Variants in EGFR observed in about 807,000 individuals in gnomAD.
EGFR encodes the protein epidermal growth factor receptor.
A neutral mutation model predicts 143.0 loss-of-function variants in EGFR; 58 were observed. The ratio of observed to expected loss-of-function variants is 0.41; its 90% CI spans 0.33 to 0.50. The LOEUF (loss-of-function observed/expected upper bound fraction) is 0.50. Among genes scored for constraint, EGFR ranks in the 20% least tolerant of loss-of-function variants. The pLI is 0.39. For synonymous variants in EGFR, 613 were observed against 594.4 expected, an observed-to-expected ratio of 1.03 and a Z score of -0.45; for missense variants, 1,307 against 1,579.0, an observed-to-expected ratio of 0.83 and a Z score of 2.92.
chr7:55,051,221 C>A (rs1788471045), intron 1 of EGFR, among the ~76,000 whole-genome samples: 1 of 152,100 alleles, frequency 6.6e-6, no homozygotes, highest in Non-Finnish European at 1.5e-5. Context: ...AGGCATGGCC[C>A]AGGGAGGCTT....
chr7:55,058,115 G>T (rs1479888592), intron 1 of EGFR, among the ~76,000 whole-genome samples: 1 of 152,188 alleles, frequency 6.6e-6, no homozygotes, highest in Non-Finnish European at 1.5e-5. Flanking sequence ...AAAACACATG[G>T]CTGGGCACAG....
At chr7:55,089,077 G>A (rs374174781) in intron 1 of EGFR, among the ~76,000 whole-genome samples, 3 of 151,426 alleles carry the variant, frequency 2.0e-5, no homozygotes, top group Admixed American at 6.6e-5. Context: ...TACAAATAAA[G>A]GTCGATCATT....
intron 1 of EGFR, among the ~76,000 whole-genome samples, chr7:55,135,143 T>C (rs1482279515): frequency 1.3e-5 from 2 of 152,174 alleles, no homozygotes; most frequent in East Asian, 3.9e-4. Flanking sequence ...ACTTAGTGTA[T>C]ATTTTACAAA....
intron 1 of EGFR, among the ~76,000 whole-genome samples, chr7:55,067,271 A>G (rs914080685): frequency 4.8e-5 from 7 of 146,044 alleles, no homozygotes; most frequent in Admixed American, 6.6e-5. Context: ...CGTCTCCTGC[A>G]ATGCTTTCAA....
At chr7:55,126,057 A>C (rs1000447031) in intron 1 of EGFR, among the ~76,000 whole-genome samples, 3 of 151,224 alleles carry the variant, frequency 2.0e-5, no homozygotes, top group Non-Finnish European at 4.4e-5. Flanking sequence ...CCTGCCCCCA[A>C]CTCTTCCCCA....
intron 5 of EGFR, among the ~76,000 whole-genome samples, chr7:55,151,723 A>C (rs1785164707): frequency 6.6e-6 from 1 of 152,016 alleles, no homozygotes; most frequent in African/African-American, 2.4e-5. Flanking sequence ...AAATACAAAA[A>C]ATTAGCCGGG....
At chr7:55,186,082 C>T (rs953382112) in intron 20 of EGFR, among the ~76,000 whole-genome samples, 7 of 152,178 alleles carry the variant, frequency 4.6e-5, no homozygotes, top group Non-Finnish European at 1.0e-4. Context: ...CTGGTGGTGC[C>T]AGCACATTCC....
intron 22 of EGFR, among the ~76,000 whole-genome samples, chr7:55,195,242 C>T (rs935875617): frequency 6.6e-6 from 1 of 152,184 alleles, no homozygotes; most frequent in African/African-American, 2.4e-5. Flanking sequence ...TATTTTCTTG[C>T]CCCCAAACCA....
At chr7:55,028,776 C>T (rs1464850291) in intron 1 of EGFR, among the ~76,000 whole-genome samples, 1 of 152,038 alleles carries the variant, frequency 6.6e-6, no homozygotes, top group African/African-American at 2.4e-5. Flanking sequence ...GAAAGTTAAG[C>T]AATTATCTGT....
chr7:55,063,276 C>G (rs1018435036), intron 1 of EGFR, among the ~76,000 whole-genome samples: 2 of 152,144 alleles, frequency 1.3e-5, no homozygotes, highest in African/African-American at 2.4e-5. Context: ...TTCTCTCCCC[C>G]GCATTTCCTC....
intron 19 of EGFR, among the ~76,000 whole-genome samples, chr7:55,177,674 A>T (rs1786656317): frequency 6.6e-6 from 1 of 152,218 alleles, no homozygotes; most frequent in Non-Finnish European, 1.5e-5. Context: ...ACCAAAAGTC[A>T]TGTCAGCAGT....
chr7:55,194,891 A>T (rs1174543630), intron 22 of EGFR, among the ~76,000 whole-genome samples: 1 of 152,228 alleles, frequency 6.6e-6, no homozygotes, highest in Non-Finnish European at 1.5e-5. Flanking sequence ...TTTTGTTTAA[A>T]AATCATATCC....
chr7:55,191,695 A>G, intron 20 of EGFR, 24 bp from the exon 21 acceptor site: 1 of 1,613,348 alleles, frequency 6.2e-7, no homozygotes, highest in Non-Finnish European at 8.5e-7. Flanking sequence ...TCTGTCCCTC[A>G]CAGCAGGGTC....
rs2128927375 is a variant in EGFR, at chr7:55,143,400, C to T, written c.336C>T (p.Tyr112=). 6.2e-7 allele frequency: 1 copy of T among 1,614,224 alleles called. No homozygotes were observed. The highest frequency in any genetic ancestry group is 1.1e-5 in the South Asian group (1 of 91,092). ...ENLQIIRGNM[Y]YENSYALAVL... ...TGCAGATCATCAGAGGAAATATGTACTACGAAAATTCCTATGCCTTAGCAG... is the reference window on the plus strand; with the variant it reads ...TGCAGATCATCAGAGGAAATATGTATTACGAAAATTCCTATGCCTTAGCAG... The change falls in exon 3 of 28, where the codon TAC becomes TAT. Residue 112 remains tyrosine (Y), a synonymous_variant. Coordinates refer to ENST00000275493, the MANE Select transcript of EGFR (RefSeq NM_005228.5).
At chr7:55,137,940 A>C (rs1034171357) in intron 1 of EGFR, among the ~76,000 whole-genome samples, 2 of 152,198 alleles carry the variant, frequency 1.3e-5, no homozygotes, top group African/African-American at 2.4e-5. Flanking sequence ...GCTACACTTA[A>C]GATTAATCCT....
At chr7:55,172,850 T>C in intron 16 of EGFR, 133 bp from the exon 17 acceptor site, 1 of 1,593,940 alleles carries the variant, frequency 6.3e-7, no homozygotes, top group Non-Finnish European at 8.5e-7. Context: ...TTTTAGAAGC[T>C]ACATAGTGTC....
At chr7:55,093,501 C>T (rs1300244905) in intron 1 of EGFR, among the ~76,000 whole-genome samples, 4 of 152,178 alleles carry the variant, frequency 2.6e-5, no homozygotes, top group South Asian at 2.1e-4. Context: ...GCTCGCCCCG[C>T]GTCTCAGTCC....
chr7:55,181,326 C>G lies in EGFR; in HGVS notation c.2317C>G (p.His773Asp), dbSNP rs767075090. The G allele has an allele frequency of 3.7e-6, 6 of 1,614,208 alleles. No individual in the cohort carries two copies. Among genetic ancestry groups the G allele is most frequent in the Non-Finnish European group, 4.2e-6 (5 of 1,180,034 alleles). The change falls in exon 20 of 28, where the codon CAC becomes GAC. Residue 773 changes from histidine to aspartate, a missense_variant. Transcript: ENST00000275493. ...AYVMASVDNP[H>D]VCRLLGICLT... The stretch of plus-strand genomic sequence containing the variant: ...CGTGATGGCCAGCGTGGACAACCCC[C>G]ACGTGTGCCGCCTGCTGGGCATCTG...
chr7:55,086,998 C>T (rs1008899441), intron 1 of EGFR, among the ~76,000 whole-genome samples: 2 of 152,088 alleles, frequency 1.3e-5, no homozygotes, highest in Non-Finnish European at 2.9e-5. Context: ...CAGGGTCATT[C>T]AGGAAGTCAT....
Sources: gnomAD v4.1 joint callset for allele counts (sites outside exome capture counted in the v4.1 genomes callset) on GRCh38, gnomAD v4.1.1 for gene constraint, MANE v1.5 for transcripts, NCBI Gene and HGNC (gene_info 2026-07-23, HGNC 2026-07-21) for gene names.